The following PDE4D variants were observed in gnomAD, a reference collection of about 807,000 sequenced individuals.
PDE4D encodes the protein 3',5'-cyclic-AMP phosphodiesterase 4D.
A neutral mutation model predicts 87.4 loss-of-function variants in PDE4D; 24 were observed. That is an observed-to-expected ratio of 0.27 (90% CI 0.20 to 0.39). The LOEUF (loss-of-function observed/expected upper bound fraction) is 0.39. Among genes scored for constraint, PDE4D ranks in the 10% least tolerant of loss-of-function variants. PDE4D has a pLI of 1.00. For missense variants in PDE4D, 714 were observed against 1,041.0 expected, an observed-to-expected ratio of 0.69 and a Z score of 4.32; for synonymous variants, 384 against 383.2, an observed-to-expected ratio of 1.00 and a Z score of -0.02.
chr5:59,427,853 A>G (rs1255087858), intron 1 of PDE4D, among the ~76,000 whole-genome samples: 1 of 151,996 alleles, frequency 6.6e-6, no homozygotes, highest in Non-Finnish European at 1.5e-5. Context: ...CTATACTAAA[A>G]TTGAGACATA....
intron 1 of PDE4D, among the ~76,000 whole-genome samples, chr5:59,525,148 C>T (rs888883000): frequency 3.3e-5 from 5 of 152,184 alleles, no homozygotes; most frequent in Admixed American, 6.5e-5. Context: ...GCTTGCACTG[C>T]GCACCTGGAA....
At chr5:60,191,010 T>G (rs1416047370) in intron 1 of PDE4D, among the ~76,000 whole-genome samples, 1 of 152,128 alleles carries the variant, frequency 6.6e-6, no homozygotes, top group African/African-American at 2.4e-5. Context: ...ACACATCCAT[T>G]TCTACCTCTT....
chr5:60,264,339 G>A (rs1027945125), intron 1 of PDE4D, among the ~76,000 whole-genome samples: 3 of 152,148 alleles, frequency 2.0e-5, no homozygotes, highest in Non-Finnish European at 4.4e-5. Context: ...AGAAAAAAAT[G>A]CCTGTTGATT....
At chr5:59,447,678 T>G (rs998503149) in intron 1 of PDE4D, among the ~76,000 whole-genome samples, 1 of 152,220 alleles carries the variant, frequency 6.6e-6, no homozygotes, top group Non-Finnish European at 1.5e-5. Context: ...TTAAGTACTT[T>G]TGTAATTAAT....
intron 3 of PDE4D, among the ~76,000 whole-genome samples, chr5:59,907,388 G>A (rs542881575): frequency 1.3e-5 from 2 of 152,126 alleles, no homozygotes; most frequent in African/African-American, 2.4e-5. Context: ...AAGAGAACTC[G>A]TGGACACAAA....
chr5:59,912,848 C>T (rs1753603633), intron 3 of PDE4D, among the ~76,000 whole-genome samples: 1 of 152,126 alleles, frequency 6.6e-6, no homozygotes, highest in African/African-American at 2.4e-5. Context: ...TAAAAACAAA[C>T]ACTTCAGAAA....
intron 1 of PDE4D, among the ~76,000 whole-genome samples, chr5:59,611,559 C>T (rs1561321476): frequency 6.6e-6 from 1 of 152,258 alleles, no homozygotes; most frequent in Non-Finnish European, 1.5e-5. Flanking sequence ...AGGATACAAA[C>T]TTCTTAAGGG....
chr5:59,689,976 A>G (rs1486561077), intron 1 of PDE4D, among the ~76,000 whole-genome samples: 1 of 152,200 alleles, frequency 6.6e-6, no homozygotes. Flanking sequence ...AATTGCTTCA[A>G]AGAGAATAAA....
At chr5:60,504,823 G>C (rs1400492733) in intron 1 of PDE4D, among the ~76,000 whole-genome samples, 1 of 152,172 alleles carries the variant, frequency 6.6e-6, no homozygotes, top group Non-Finnish European at 1.5e-5. Context: ...TCCCAGAAGA[G>C]TTTCTGTCTG....
At chr5:60,255,970 C>T (rs568124706) in intron 1 of PDE4D, among the ~76,000 whole-genome samples, 2 of 151,862 alleles carry the variant, frequency 1.3e-5, no homozygotes, top group African/African-American at 4.8e-5. Flanking sequence ...TGATGTTTAA[C>T]AAGCTCATCA....
intron 1 of PDE4D, among the ~76,000 whole-genome samples, chr5:60,500,705 G>A (rs890202803): frequency 1.3e-5 from 2 of 152,224 alleles, no homozygotes; most frequent in African/African-American, 2.4e-5. Context: ...ACTTCAGGCA[G>A]CTTACTGAAA....
intron 1 of PDE4D, among the ~76,000 whole-genome samples, chr5:59,610,299 A>C (rs964449859): frequency 2.0e-5 from 3 of 152,202 alleles, no homozygotes; most frequent in African/African-American, 7.2e-5. Context: ...TTGAGACTGG[A>C]GAACTGATTT....
At chr5:60,463,639 G>T (rs896828965) in intron 1 of PDE4D, among the ~76,000 whole-genome samples, 1 of 152,210 alleles carries the variant, frequency 6.6e-6, no homozygotes, top group Non-Finnish European at 1.5e-5. Flanking sequence ...TGCTAGAGCA[G>T]TACAGGCTGA....
At chr5:59,763,588 G>A (rs138913730) in intron 1 of PDE4D, among the ~76,000 whole-genome samples, 28 of 152,130 alleles carry the variant, frequency 1.8e-4, no homozygotes, top group East Asian at 1.5e-3. Flanking sequence ...ATTCAATGAC[G>A]AGAAAAGCCT....
chr5:60,440,340 CA>C (rs566480627), intron 1 of PDE4D, among the ~76,000 whole-genome samples: 1 of 151,692 alleles, frequency 6.6e-6, no homozygotes, highest in Non-Finnish European at 1.5e-5. Context: ...CTTTAGAATA[CA>C]AAAAAAATAA....
intron 1 of PDE4D, among the ~76,000 whole-genome samples, chr5:60,269,732 T>C (rs1342274384): frequency 6.6e-6 from 1 of 152,234 alleles, no homozygotes; most frequent in Non-Finnish European, 1.5e-5. Flanking sequence ...GTTATACATA[T>C]GTAAGATGAT....
chr5:60,012,138 T>G (rs1765076845), intron 2 of PDE4D, among the ~76,000 whole-genome samples: 1 of 152,142 alleles, frequency 6.6e-6, no homozygotes, highest in Non-Finnish European at 1.5e-5. Flanking sequence ...ATAAGTCAGA[T>G]CTAAAAATTA....
chr5:60,092,912 G>A (rs774385948), intron 2 of PDE4D, among the ~76,000 whole-genome samples: 7 of 152,102 alleles, frequency 4.6e-5, no homozygotes, highest in Non-Finnish European at 8.8e-5. Flanking sequence ...GGACTGCATC[G>A]GGGTGAGCCT....
chr5:59,436,822 C>T (rs1238706117), intron 1 of PDE4D, among the ~76,000 whole-genome samples: 1 of 152,088 alleles, frequency 6.6e-6, no homozygotes, highest in East Asian at 1.9e-4. Flanking sequence ...CCTCCAAAAC[C>T]CAACAGAAAC....
Sources: gnomAD v4.1 joint callset for allele counts (sites outside exome capture counted in the v4.1 genomes callset) on GRCh38, gnomAD v4.1.1 for gene constraint, MANE v1.5 for transcripts, NCBI Gene and HGNC (gene_info 2026-07-23, HGNC 2026-07-21) for gene names.